The following DPYD variants were observed in gnomAD, a reference collection of about 807,000 sequenced individuals.
DPYD encodes the protein dihydropyrimidine dehydrogenase.
In DPYD, 109 loss-of-function variants were observed where a neutral mutation model predicts 116.2. That is an observed-to-expected ratio of 0.94 (90% CI 0.80 to 1.10). The LOEUF is 1.10. Ranked by LOEUF, DPYD falls within the 50% of genes least tolerant of loss-of-function variation. DPYD has a pLI of 0.00. For synonymous variants in DPYD, 440 were observed against 432.0 expected, an observed-to-expected ratio of 1.02 and a Z score of -0.23; for missense variants, 1,302 against 1,254.5, an observed-to-expected ratio of 1.04 and a Z score of -0.57.
intron 21 of DPYD, among the ~76,000 whole-genome samples, chr1:97,088,915 T>C (rs1649707652): frequency 6.6e-6 from 1 of 152,206 alleles, no homozygotes; most frequent in African/African-American, 2.4e-5. Flanking sequence ...ATTTCTCTGG[T>C]ATCTTTTGGA....
chr1:97,233,531 G>A (rs1317810088), intron 19 of DPYD, among the ~76,000 whole-genome samples: 1 of 152,038 alleles, frequency 6.6e-6, no homozygotes, highest in Non-Finnish European at 1.5e-5. Context: ...ATGGGTGTAG[G>A]GATGGAATAT....
intron 20 of DPYD, among the ~76,000 whole-genome samples, chr1:97,165,933 T>C (rs1656291257): frequency 6.6e-6 from 1 of 151,794 alleles, no homozygotes; most frequent in African/African-American, 2.4e-5. Context: ...TAGCAGACAC[T>C]GGCCAAGTTG....
At chr1:97,162,525 G>T (rs1570579769) in intron 20 of DPYD, among the ~76,000 whole-genome samples, 3 of 152,278 alleles carry the variant, frequency 2.0e-5, no homozygotes, top group African/African-American at 7.2e-5. Context: ...TGGGTAGGAA[G>T]AATTAGTATC....
intron 16 of DPYD, among the ~76,000 whole-genome samples, chr1:97,310,186 T>C (rs1296893345): frequency 6.6e-6 from 1 of 151,830 alleles, no homozygotes; most frequent in South Asian, 2.1e-4. Flanking sequence ...TTACCAGTTA[T>C]AAAATGTTTT....
chr1:97,821,859 A>G (rs1348974252), intron 3 of DPYD, among the ~76,000 whole-genome samples: 2 of 152,110 alleles, frequency 1.3e-5, no homozygotes, highest in Admixed American at 6.5e-5. Context: ...CATAAATTAC[A>G]AAGCATTCTC....
chr1:97,135,201 T>C (rs931084518), intron 20 of DPYD, among the ~76,000 whole-genome samples: 1 of 152,172 alleles, frequency 6.6e-6, no homozygotes, highest in African/African-American at 2.4e-5. Context: ...AAAATTGATA[T>C]GGTATAGGTA....
chr1:97,803,236 C>T (rs1200838955), intron 3 of DPYD, among the ~76,000 whole-genome samples: 2 of 151,806 alleles, frequency 1.3e-5, no homozygotes, highest in African/African-American at 2.4e-5. Flanking sequence ...CTGTGCTAAA[C>T]TTACTGAAAC....
At chr1:97,775,829 C>T (rs2101183089) in intron 3 of DPYD, among the ~76,000 whole-genome samples, 1 of 152,278 alleles carries the variant, frequency 6.6e-6, no homozygotes, top group East Asian at 1.9e-4. Flanking sequence ...AGAAATCCCA[C>T]ATTGGGTCAT....
chr1:97,227,938 TAACC>T (rs1296918649), intron 19 of DPYD, among the ~76,000 whole-genome samples: 1 of 152,046 alleles, frequency 6.6e-6, no homozygotes, highest in Non-Finnish European at 1.5e-5. Context: ...AATGATGCTG[TAACC>T]TAGGTTTTTT....
At chr1:97,252,272 T>G (rs1447577359) in intron 18 of DPYD, among the ~76,000 whole-genome samples, 1 of 152,216 alleles carries the variant, frequency 6.6e-6, no homozygotes, top group Non-Finnish European at 1.5e-5. Flanking sequence ...TGTGCAACCC[T>G]GGATGACTCA....
chr1:97,416,061 A>T (rs1674273659), intron 14 of DPYD, among the ~76,000 whole-genome samples: 1 of 152,202 alleles, frequency 6.6e-6, no homozygotes, highest in South Asian at 2.1e-4. Context: ...CATATCTAGC[A>T]AGAGAAATCC....
At chr1:97,701,068 TA>T (rs1661570571) in intron 5 of DPYD, among the ~76,000 whole-genome samples, 1 of 150,538 alleles carries the variant, frequency 6.6e-6, no homozygotes, top group African/African-American at 2.4e-5. Context: ...AAATTCCAAT[TA>T]AAAGACAAAA....
chr1:97,870,419 C>T (rs181306917), intron 2 of DPYD, among the ~76,000 whole-genome samples: 1 of 151,742 alleles, frequency 6.6e-6, no homozygotes, highest in African/African-American at 2.4e-5. Flanking sequence ...ACAAATATTT[C>T]AAAATTCATA....
intron 3 of DPYD, among the ~76,000 whole-genome samples, chr1:97,781,290 C>A (rs1170783322): frequency 2.0e-5 from 3 of 152,088 alleles, no homozygotes; most frequent in African/African-American, 4.8e-5. Context: ...ACAAAAATTA[C>A]CTATGATTTT....
intron 20 of DPYD, among the ~76,000 whole-genome samples, chr1:97,169,558 A>ATTTTATTTTAT (rs1656574543): frequency 7.1e-6 from 1 of 141,616 alleles, no homozygotes; most frequent in African/African-American, 2.6e-5. Context: ...ATTTTATTTT[A>ATTTTATTTTAT]TTTGTTATGG....
Position 97,507,381 on chromosome 1 carries a change from A to G in DPYD, c.1740+8345T>C, listed in dbSNP as rs1271829172. 3.9e-5 allele frequency among the ~76,000 whole-genome samples: 6 copies of G among 151,988 alleles called. No homozygotes were observed. In the East Asian group the frequency reaches 1.2e-3, roughly 29 times the overall value. The stretch of plus-strand genomic sequence containing the variant: ...CAATACTATGCAATAAATAGAAAAT[A>G]ATCATATACAAAATTGGAAGCTAGA... On this transcript the variant is annotated intron_variant, in intron 13 of 22. Coordinates refer to ENST00000370192, the MANE Select transcript of DPYD (RefSeq NM_000110.4).
At chr1:97,679,307 AC>A in intron 7 of DPYD, 125 bp from the exon 8 acceptor site, 1 of 571,178 alleles carries the variant, frequency 1.8e-6, no homozygotes, top group Non-Finnish European at 3.2e-6. Flanking sequence ...AAATGTGACA[AC>A]ATTTTTGTCT....
chr1:97,827,759 A>C (rs944255558), intron 3 of DPYD, among the ~76,000 whole-genome samples: 4 of 152,178 alleles, frequency 2.6e-5, no homozygotes, highest in Non-Finnish European at 5.9e-5. Flanking sequence ...TTAGGAGGAA[A>C]TACTACTCAA....
intron 22 of DPYD, among the ~76,000 whole-genome samples, chr1:97,081,465 TGAG>T (rs1649141648): frequency 6.6e-6 from 1 of 152,054 alleles, no homozygotes; most frequent in Non-Finnish European, 1.5e-5. Flanking sequence ...ATCAGGCTTT[TGAG>T]AAGAAACTTA....
Sources: allele counts gnomAD v4.1 joint callset (sites outside exome capture counted in the v4.1 genomes callset), GRCh38; gene constraint gnomAD v4.1.1; transcripts MANE v1.5; gene names NCBI Gene and HGNC (gene_info 2026-07-23, HGNC 2026-07-21).